ELN: variants seen among roughly 807,000 people sequenced by gnomAD.
ELN encodes tropoelastin.
Under a neutral mutation model 105.8 loss-of-function variants are expected in ELN, and 65 were observed. The ratio of observed to expected loss-of-function variants is 0.61; its 90% CI spans 0.50 to 0.75. The LOEUF (loss-of-function observed/expected upper bound fraction) is 0.75. Among genes scored for constraint, ELN ranks in the 30% least tolerant of loss-of-function variants. The pLI, the probability that ELN is intolerant of heterozygous loss-of-function variation, is 0.00. For synonymous variants in ELN, 368 were observed against 389.2 expected (o/e 0.95, Z 0.64); for missense variants, 882 against 969.4 (o/e 0.91, Z 1.20).
intron 22 of ELN, among the ~76,000 whole-genome samples, chr7:74,058,800 G>A (rs1795952216): frequency 6.6e-6 from 1 of 152,238 alleles, no homozygotes. Context: ...CATGGGGTCT[G>A]TAGGCCTTGG....
At chr7:74,035,556 A>G in intron 2 of ELN, 142 bp downstream of exon 2, 1 of 1,004,780 alleles carries the variant, frequency 1.0e-6, no homozygotes, top group Admixed American at 2.0e-5. Flanking sequence ...GCAATTAACA[A>G]GACATTGATT....
chr7:74,044,510 C>T (rs1792001822), intron 9 of ELN, among the ~76,000 whole-genome samples: 1 of 152,192 alleles, frequency 6.6e-6, no homozygotes, highest in African/African-American at 2.4e-5. Flanking sequence ...GAGGACAGAT[C>T]CCAGTGTGAC....
intron 9 of ELN, 139 bp from the exon 10 acceptor site, chr7:74,045,083 T>A: frequency 1.1e-6 from 1 of 905,698 alleles, no homozygotes; most frequent in Non-Finnish European, 1.8e-6. Flanking sequence ...AGGTCCTTTC[T>A]CCACCCACCC....
chr7:74,031,542 G>T (rs144138993), intron 1 of ELN, among the ~76,000 whole-genome samples: 1 of 152,070 alleles, frequency 6.6e-6, no homozygotes, highest in Non-Finnish European at 1.5e-5. Context: ...GACAGGACTC[G>T]GTTGGGGGTG....
At chr7:74,066,561 C>A in intron 31 of ELN, among the ~76,000 whole-genome samples, 171 bp from the exon 32 acceptor site, 1 of 151,848 alleles carries the variant, frequency 6.6e-6, no homozygotes, top group East Asian at 1.9e-4. Flanking sequence ...AGCAAGACCC[C>A]ATCTCAAAAA....
chr7:74,054,245 A>G (rs1794766935), intron 18 of ELN, among the ~76,000 whole-genome samples: 1 of 152,100 alleles, frequency 6.6e-6, no homozygotes, highest in African/African-American at 2.4e-5. Flanking sequence ...AGGTGGGCGG[A>G]TCACCTGAGG....
At chr7:74,059,803 C>A (rs1583956190) in intron 22 of ELN, 83 bp from the exon 23 acceptor site, 3 of 816,494 alleles carry the variant, frequency 3.7e-6, no homozygotes, top group Middle Eastern at 2.2e-4. Flanking sequence ...TATGCCAGGG[C>A]CGAGGCTCCA....
chr7:74,057,728 C>A (rs781969171), intron 22 of ELN, 32 bp downstream of exon 22: 1 of 1,611,200 alleles, frequency 6.2e-7, no homozygotes, highest in Non-Finnish European at 8.5e-7. Flanking sequence ...CACTGGCTCA[C>A]GGAGAACTGC....
chr7:74,056,345 G>T lies in ELN; in HGVS notation c.1225G>T (p.Val409Phe), dbSNP rs1554679705. 1 of 1,614,158 alleles carries T rather than the reference G, an allele frequency of 6.2e-7. No homozygotes were observed. The highest frequency in any genetic ancestry group is 1.1e-5 in the South Asian group (1 of 91,086). Residue 409 changes from valine to phenylalanine, a missense_variant, in exon 20 of 33, where the codon GTC (valine) becomes TTC (phenylalanine). Val to Phe is a conservative substitution (Grantham distance 50). Coordinates refer to ENST00000252034, the MANE Select transcript of ELN (RefSeq NM_000501.4). The part of the protein sequence containing the change: ...VGAGGFPGFG[V>F]GVGGIPGVAG... ...AGCTGGGGGCTTTCCCGGCTTTGGT[G>T]TCGGAGTCGGAGGTATCCCTGGAGT...
chr7:74,057,923 C>T (rs1554681407), intron 22 of ELN, among the ~76,000 whole-genome samples: 1 of 152,110 alleles, frequency 6.6e-6, no homozygotes, highest in African/African-American at 2.4e-5. Context: ...CCTCCCTGTT[C>T]CTAAAGCCCC....
intron 4 of ELN, among the ~76,000 whole-genome samples, chr7:74,040,516 T>C (rs1189405363): frequency 6.6e-6 from 1 of 152,174 alleles, no homozygotes; most frequent in Non-Finnish European, 1.5e-5. Context: ...TTGGGATCCA[T>C]CCCTGGAGAG....
Position 74,060,103 on chromosome 7 carries a change from C to T in ELN, c.1577-37C>T, listed in dbSNP as rs200918221. The stretch of plus-strand genomic sequence containing the variant: ...GCCCCCGAAGCCTCCATGGGCCCCG[C>T]CTCCATCTCTAATCCCCCTCTCTCT... On this transcript the variant is annotated intron_variant, in intron 23 of 32. Coordinates refer to ENST00000252034, the MANE Select transcript of ELN (RefSeq NM_000501.4). 692 of 1,614,164 alleles carry T rather than the reference C, an allele frequency of 4.3e-4. 4 individuals are homozygous for T. In the African/African-American group the frequency reaches 8.5e-3, roughly 20 times the overall value.
In ELN at chr7:74,053,236, T is replaced by C; in HGVS notation, c.1023T>C (p.Val341=). Residue 341 remains valine, a synonymous_variant, in exon 18 of 33, where the codon GTT becomes GTC. Transcript: ENST00000252034. ...PGVVGVPGAG[V]PGVGVPGAGI... ...TAGTTGGTGTCCCAGGAGCTGGCGT[T>C]CCAGGTGTTGGTGTCCCAGGAGCTG... The C allele has an allele frequency of 6.2e-7, 1 of 1,614,014 alleles. No homozygotes were observed. The highest frequency in any genetic ancestry group is 8.5e-7 in the Non-Finnish European group (1 of 1,179,990).
intron 31 of ELN, among the ~76,000 whole-genome samples, chr7:74,066,456 A>C (rs782469010): frequency 1.8e-4 from 27 of 151,854 alleles, no homozygotes; most frequent in Admixed American, 7.2e-4. Flanking sequence ...AATCCCAGCT[A>C]CTCGGGAGGC....
At chr7:74,059,301 G>A (rs1796065259) in intron 22 of ELN, among the ~76,000 whole-genome samples, 1 of 152,134 alleles carries the variant, frequency 6.6e-6, no homozygotes, top group African/African-American at 2.4e-5. Flanking sequence ...TGAACCCAAA[G>A]CCTTTCTGTC....
At chr7:74,036,807 A>T (rs1175456713) in intron 3 of ELN, among the ~76,000 whole-genome samples, 2 of 151,236 alleles carry the variant, frequency 1.3e-5, no homozygotes, top group Non-Finnish European at 1.5e-5. Flanking sequence ...CTGCCTTCCT[A>T]TTTCTTCTTT....
intron 2 of ELN, chr7:74,035,705 TACAC>T (rs150794102): frequency 7.4e-5 from 35 of 475,824 alleles, no homozygotes; most frequent in Non-Finnish European, 1.1e-4. Flanking sequence ...TCCCCCTCTC[TACAC>T]ACACACACAC....
intron 12 of ELN, 49 bp from the exon 13 acceptor site, chr7:74,047,626 C>A (rs1199032753): frequency 1.2e-6 from 2 of 1,613,132 alleles, no homozygotes; most frequent in East Asian, 4.5e-5. Flanking sequence ...TTGGTGGGAG[C>A]CCAGCAAGGC....
At chr7:74,030,845 G>A (rs529482990) in intron 1 of ELN, among the ~76,000 whole-genome samples, 4 of 152,294 alleles carry the variant, frequency 2.6e-5, no homozygotes, top group Non-Finnish European at 4.4e-5. Flanking sequence ...CCCAGGTGAC[G>A]GTGGGGTCGC....
Sources: gnomAD v4.1 joint callset for allele counts (sites outside exome capture counted in the v4.1 genomes callset) on GRCh38, gnomAD v4.1.1 for gene constraint, MANE v1.5 for transcripts, NCBI Gene and HGNC (gene_info 2026-07-23, HGNC 2026-07-21) for gene names.